Variants in TNFRSF10C observed in about 807,000 individuals in gnomAD.
TNFRSF10C encodes TNF receptor superfamily member 10c.
A neutral mutation model predicts 16.7 loss-of-function variants in TNFRSF10C; 17 were observed. The ratio of observed to expected loss-of-function variants is 1.02; its 90% confidence interval spans 0.70 to 1.53. The LOEUF (loss-of-function observed/expected upper bound fraction) is 1.53. TNFRSF10C is among the 40% of genes most tolerant of loss of function. TNFRSF10C has a pLI of 0.00. For synonymous variants in TNFRSF10C, 73 were observed against 119.7 expected, an observed-to-expected ratio of 0.61 and a Z score of 2.55; for missense variants, 237 against 329.7, an observed-to-expected ratio of 0.72 and a Z score of 2.18.
chr8:23,113,582 T>C (rs1382910177), intron 2 of TNFRSF10C, among the ~76,000 whole-genome samples: 1 of 152,258 alleles, frequency 6.6e-6, no homozygotes, highest in Non-Finnish European at 1.5e-5. Context: ...GTTCTTGGTA[T>C]CTTTCTCACA....
chr8:23,109,344 G>A lies in TNFRSF10C; in HGVS notation c.61-2376G>A, dbSNP rs912000763. Among the ~76,000 whole-genome samples the A allele has an allele frequency of 2.0e-4, 30 of 151,946 alleles. 1 individual carries two copies. Among genetic ancestry groups the A allele is most frequent in the Non-Finnish European group, 2.6e-4 (18 of 67,986 alleles). On this transcript the variant is annotated intron_variant, in intron 1 of 4. Coordinates refer to ENST00000356864, the MANE Select transcript of TNFRSF10C (RefSeq NM_003841.5). The stretch of plus-strand genomic sequence containing the variant: ...TAAAGCTGTCAAAAAAAGAAAAAAC[G>A]TGAAAATTATGGGCCGGGCACGGTG...
At chr8:23,111,510 TG>T (rs1314536488) in intron 1 of TNFRSF10C, among the ~76,000 whole-genome samples, 1 of 91,736 alleles carries the variant, frequency 1.1e-5, no homozygotes, top group Non-Finnish European at 2.1e-5. Context: ...CCATCGCGCT[TG>T]CCTGTATTTT....
intron 1 of TNFRSF10C, among the ~76,000 whole-genome samples, chr8:23,106,550 G>A (rs1055227133): frequency 6.6e-5 from 10 of 151,980 alleles, no homozygotes; most frequent in African/African-American, 2.4e-4. Flanking sequence ...ACCTGTGAGA[G>A]TCAGTTACTT....
At chr8:23,112,497 T>G (rs1043008175) in intron 2 of TNFRSF10C, among the ~76,000 whole-genome samples, 4 of 152,238 alleles carry the variant, frequency 2.6e-5, no homozygotes, top group Non-Finnish European at 5.9e-5. Context: ...CAAGCCCTGG[T>G]AATCACCATT....
chr8:23,116,415 G>A lies in TNFRSF10C; in HGVS notation c.390-226G>A, dbSNP rs553991461. On this transcript the variant is annotated intron_variant, in intron 4 of 4. Transcript: ENST00000356864. ...GGAAGCTCAGTGTGTGCCCGGCACA[G>A]AAGGCTCCTGTGGCCCCAGAGCAGG... Among the ~76,000 whole-genome samples, 7 of 152,320 alleles carry A rather than the reference G, an allele frequency of 4.6e-5. No homozygotes were observed. In the East Asian group the frequency reaches 5.8e-4, roughly 13 times the overall value.
At chr8:23,116,145 CT>C (rs151183242) in intron 4 of TNFRSF10C, among the ~76,000 whole-genome samples, 3,132 of 152,328 alleles carry the variant, frequency 0.021, 54 homozygotes, top group Middle Eastern at 0.034. Flanking sequence ...GGCCTCACCC[CT>C]GGCCCCAATC....
At chr8:23,114,824 G>C in intron 3 of TNFRSF10C, 54 bp downstream of exon 3, 1 of 1,515,804 alleles carries the variant, frequency 6.6e-7, no homozygotes, top group Non-Finnish European at 9.2e-7. Flanking sequence ...CAATGAGGTG[G>C]GAGTTGTAGC....
chr8:23,115,318 A>T (rs1813959282), intron 3 of TNFRSF10C, among the ~76,000 whole-genome samples, 190 bp from the exon 4 acceptor site: 1 of 149,282 alleles, frequency 6.7e-6, no homozygotes, highest in Non-Finnish European at 1.5e-5. Context: ...CCTTTTTATG[A>T]CTCCTCTGAG....
At chr8:23,106,021 G>T (rs936924619) in intron 1 of TNFRSF10C, among the ~76,000 whole-genome samples, 1 of 152,142 alleles carries the variant, frequency 6.6e-6, no homozygotes, top group African/African-American at 2.4e-5. Context: ...CCTGTCCTTC[G>T]GCCTTGAGCT....
At chr8:23,114,835 C>A in intron 3 of TNFRSF10C, 65 bp downstream of exon 3, 1 of 1,415,698 alleles carries the variant, frequency 7.1e-7, no homozygotes, top group Non-Finnish European at 1.0e-6. Context: ...GAGTTGTAGC[C>A]GATATGAGTC....
chr8:23,113,878 C>T (rs1194864901), intron 2 of TNFRSF10C, among the ~76,000 whole-genome samples: 6 of 151,706 alleles, frequency 4.0e-5, no homozygotes, highest in Non-Finnish European at 7.4e-5. Flanking sequence ...ATCGCTTGAA[C>T]CAGGGAGTTG....
At chr8:23,112,946 G>C in intron 2 of TNFRSF10C, among the ~76,000 whole-genome samples, 1 of 93,260 alleles carries the variant, frequency 1.1e-5, no homozygotes, top group Non-Finnish European at 2.1e-5. Context: ...CAGTGTACCA[G>C]CATTCCTTTT....
chr8:23,103,201 C>A lies in TNFRSF10C; in HGVS notation c.60+20C>A, dbSNP rs767839866. 15 of 1,605,032 alleles carry A rather than the reference C, an allele frequency of 9.3e-6. No individual in the cohort carries two copies. The African/African-American group carries it at 1.7e-4, about 19-fold the overall frequency. On this transcript the variant is annotated intron_variant, in intron 1 of 4. Transcript: ENST00000356864. The stretch of plus-strand genomic sequence containing the variant: ...CTGCCAGTGAGTCCCGGCCGCGGTC[C>A]CTGGCTGGGGAAGAGCGCACCTGGC...
intron 1 of TNFRSF10C, 69 bp from the exon 2 acceptor site, chr8:23,111,651 T>G (rs1813879727): frequency 8.2e-7 from 1 of 1,214,706 alleles, no homozygotes; most frequent in Non-Finnish European, 1.2e-6. Flanking sequence ...GTGAAGGGAA[T>G]GTGAGATGGA....
intron 1 of TNFRSF10C, among the ~76,000 whole-genome samples, chr8:23,104,484 T>C (rs1813735172): frequency 1.3e-5 from 2 of 152,344 alleles, no homozygotes; most frequent in South Asian, 4.1e-4. Flanking sequence ...CCAACAGCAT[T>C]GTACTAAATA....
intron 4 of TNFRSF10C, 41 bp downstream of exon 4, chr8:23,115,657 C>G: frequency 1.3e-6 from 2 of 1,538,016 alleles, no homozygotes; most frequent in Non-Finnish European, 1.8e-6. Flanking sequence ...TTTCAGGAAC[C>G]CGAGAAGACC....
chr8:23,109,148 G>A (rs576559270), intron 1 of TNFRSF10C, among the ~76,000 whole-genome samples: 1 of 152,196 alleles, frequency 6.6e-6, no homozygotes. Flanking sequence ...GAGATGGGGA[G>A]TTACTGCTGA....
chr8:23,111,925 T>C, intron 2 of TNFRSF10C, 100 bp downstream of exon 2: 1 of 1,208,538 alleles, frequency 8.3e-7, no homozygotes, highest in Non-Finnish European at 1.2e-6. Flanking sequence ...ATGTACGCAT[T>C]GTGGAATGGC....
chr8:23,111,892 T>C, intron 2 of TNFRSF10C, 67 bp downstream of exon 2: 3 of 1,441,248 alleles, frequency 2.1e-6, no homozygotes, highest in Non-Finnish European at 1.9e-6. Flanking sequence ...GTATTTATGA[T>C]GTACACCATG....
Sources: gnomAD v4.1 joint callset for allele counts (sites outside exome capture counted in the v4.1 genomes callset) on GRCh38, gnomAD v4.1.1 for gene constraint, MANE v1.5 for transcripts, NCBI Gene and HGNC (gene_info 2026-07-23, HGNC 2026-07-21) for gene names.